LRBA: variants seen among roughly 807,000 people sequenced by gnomAD.
The protein encoded by LRBA is LPS responsive beige-like anchor protein.
LRBA carries 176 observed loss-of-function variants against 330.0 expected under a neutral mutation model. The ratio of observed to expected loss-of-function variants is 0.53; its 90% confidence interval spans 0.47 to 0.60. The LOEUF is 0.60. Ranked by LOEUF, LRBA falls within the 20% of genes least tolerant of loss-of-function variation. The probability of loss-of-function intolerance (pLI) is 0.00; values close to 1 mark genes in which losing one functional copy is unlikely to be tolerated. For synonymous variants in LRBA, 1,230 were observed against 1,193.0 expected (o/e 1.03, Z -0.64); for missense variants, 3,259 against 3,444.8 (o/e 0.95, Z 1.35).
chr4:150,916,123 G>T (rs1253558647), intron 7 of LRBA, among the ~76,000 whole-genome samples: 3 of 151,720 alleles, frequency 2.0e-5, no homozygotes, highest in Non-Finnish European at 4.4e-5. Flanking sequence ...AAATTTTAAG[G>T]TACAAAAGCA....
rs1743779900 is a variant in LRBA, at chr4:150,811,798, C to T, written c.5306-3400G>A. The stretch of plus-strand genomic sequence containing the variant: ...GGGACTACAGGTGTAAATCACCACA[C>T]CCTGCCCACTGTGCTAAATGATACT... On this transcript the variant is annotated intron_variant, in intron 31 of 56. Coordinates refer to ENST00000651943, the MANE Select transcript of LRBA (RefSeq NM_001364905.1). 2.0e-5 allele frequency among the ~76,000 whole-genome samples: 3 copies of T among 152,156 alleles called. No homozygotes were observed. The South Asian group carries it at 6.2e-4, about 32-fold the overall frequency.
At chr4:150,853,649 C>T (rs1019804831) in intron 22 of LRBA, among the ~76,000 whole-genome samples, 1 of 152,050 alleles carries the variant, frequency 6.6e-6, no homozygotes, top group Non-Finnish European at 1.5e-5. Flanking sequence ...TTGCCTTTTA[C>T]CCAAATGGGA....
chr4:150,872,588 A>C, intron 18 of LRBA, 75 bp downstream of exon 18: 1 of 1,008,692 alleles, frequency 9.9e-7, no homozygotes, highest in Non-Finnish European at 1.5e-6. Flanking sequence ...ACTATAGAAC[A>C]AAATTACTAC....
At chr4:150,900,796 T>C (rs1311886347) in intron 13 of LRBA, among the ~76,000 whole-genome samples, 1 of 152,190 alleles carries the variant, frequency 6.6e-6, no homozygotes, top group Admixed American at 6.5e-5. Flanking sequence ...CATTCCAATC[T>C]AGCATTTTAA....
At chr4:150,361,873 C>A (rs1251901163) in intron 47 of LRBA, among the ~76,000 whole-genome samples, 2 of 151,512 alleles carry the variant, frequency 1.3e-5, no homozygotes, top group African/African-American at 4.9e-5. Flanking sequence ...CGGGTTCATG[C>A]CCATTCTCCT....
intron 36 of LRBA, among the ~76,000 whole-genome samples, chr4:150,734,425 A>G (rs1730920055): frequency 6.6e-6 from 1 of 152,112 alleles, no homozygotes; most frequent in South Asian, 2.1e-4. Context: ...TTATTTTTCT[A>G]GAATAATTTT....
At chr4:150,470,791 G>T (rs1339657270) in intron 43 of LRBA, among the ~76,000 whole-genome samples, 1 of 150,924 alleles carries the variant, frequency 6.6e-6, no homozygotes, top group African/African-American at 2.4e-5. Flanking sequence ...TATAGAATTT[G>T]TTCCTTCTTT....
intron 13 of LRBA, among the ~76,000 whole-genome samples, chr4:150,901,155 C>A (rs867296600): frequency 1.3e-5 from 2 of 151,882 alleles, no homozygotes; most frequent in African/African-American, 4.8e-5. Flanking sequence ...AAAAATTAGC[C>A]GGGCGTGATG....
chr4:150,614,308 A>T (rs1775558487), intron 37 of LRBA, among the ~76,000 whole-genome samples: 1 of 152,228 alleles, frequency 6.6e-6, no homozygotes, highest in Non-Finnish European at 1.5e-5. Flanking sequence ...GAAGAGTTTT[A>T]AGTAGGTATT....
chr4:150,697,053 G>A (rs955585237), intron 36 of LRBA, among the ~76,000 whole-genome samples: 2 of 150,668 alleles, frequency 1.3e-5, no homozygotes, highest in Non-Finnish European at 3.0e-5. Context: ...AAGGCCGGGC[G>A]CAGTGGCTCA....
At chr4:150,399,886 G>C (rs1745235139) in intron 47 of LRBA, among the ~76,000 whole-genome samples, 1 of 152,162 alleles carries the variant, frequency 6.6e-6, no homozygotes, top group South Asian at 2.1e-4. Flanking sequence ...TGAGGCATGA[G>C]AATCACTTGA....
At chr4:150,377,154 A>G (rs1194058912) in intron 47 of LRBA, among the ~76,000 whole-genome samples, 4 of 151,892 alleles carry the variant, frequency 2.6e-5, no homozygotes, top group Non-Finnish European at 5.9e-5. Context: ...AAAAAAAAAA[A>G]AAGAAGCTCT....
At chr4:150,977,650 G>C (rs962489399) in intron 2 of LRBA, among the ~76,000 whole-genome samples, 4 of 152,182 alleles carry the variant, frequency 2.6e-5, no homozygotes, top group African/African-American at 9.7e-5. Flanking sequence ...GACATGCCCT[G>C]GGCCAGAAGA....
At chr4:150,882,594 G>C (rs983410547) in intron 17 of LRBA, among the ~76,000 whole-genome samples, 13 of 152,140 alleles carry the variant, frequency 8.5e-5, no homozygotes, top group African/African-American at 3.1e-4. Flanking sequence ...TAAAGAAATA[G>C]ATATGGATAT....
At chr4:150,541,084 G>A (rs969059263) in intron 40 of LRBA, among the ~76,000 whole-genome samples, 3 of 152,162 alleles carry the variant, frequency 2.0e-5, no homozygotes, top group Non-Finnish European at 2.9e-5. Flanking sequence ...AATAACAAAG[G>A]TAAACGAAAG....
chr4:150,508,999 A>G (rs1761504723), intron 40 of LRBA, among the ~76,000 whole-genome samples: 1 of 152,214 alleles, frequency 6.6e-6, no homozygotes, highest in South Asian at 2.1e-4. Flanking sequence ...AATAGAAGTA[A>G]ATTAAAAATC....
intron 48 of LRBA, among the ~76,000 whole-genome samples, chr4:150,326,656 T>C (rs1301752748): frequency 6.6e-6 from 1 of 152,198 alleles, no homozygotes; most frequent in Non-Finnish European, 1.5e-5. Flanking sequence ...GTAAGCATTG[T>C]GTTTACTTGT....
Position 150,963,785 on chromosome 4 carries a change from C to T in LRBA, c.217-34720G>A, listed in dbSNP as rs572407784. 4.0e-5 allele frequency among the ~76,000 whole-genome samples: 6 copies of T among 148,342 alleles called. No individual in the cohort carries two copies. In the East Asian group the frequency reaches 1.2e-3, roughly 29 times the overall value. ...CCATCGTCTGGGATGTGAGGAGCCC[C>T]TCCGCCCGGCCCCCCAGTCTGGGAA... On this transcript the variant is annotated intron_variant, in intron 2 of 56. Transcript: ENST00000651943.
intron 44 of LRBA, among the ~76,000 whole-genome samples, chr4:150,461,800 T>C (rs894130962): frequency 6.6e-6 from 1 of 151,812 alleles, no homozygotes; most frequent in African/African-American, 2.4e-5. Flanking sequence ...CCCAGATTAC[T>C]ATACAAATAC....
Sources: allele counts gnomAD v4.1 joint callset (sites outside exome capture counted in the v4.1 genomes callset), GRCh38; gene constraint gnomAD v4.1.1; transcripts MANE v1.5; gene names NCBI Gene and HGNC (gene_info 2026-07-23, HGNC 2026-07-21).